The following EPHA1 variants were observed in gnomAD, a reference collection of about 807,000 sequenced individuals.
EPHA1 encodes EPH receptor A1.
In EPHA1, 92 loss-of-function variants were observed where a neutral mutation model predicts 110.1. The ratio of observed to expected loss-of-function variants is 0.84; its 90% confidence interval spans 0.71 to 0.99. The LOEUF (loss-of-function observed/expected upper bound fraction) is 0.99. Among genes scored for constraint, EPHA1 ranks in the 50% least tolerant of loss-of-function variants. The pLI is 0.00. For synonymous variants in EPHA1, 500 were observed against 516.1 expected (o/e 0.97, Z 0.42); for missense variants, 1,204 against 1,285.4 (o/e 0.94, Z 0.97).
In EPHA1 at chr7:143,399,264, A is replaced by G; in HGVS notation, c.985T>C (p.Cys329Arg). 3 of 1,611,560 alleles carry G rather than the reference A, an allele frequency of 1.9e-6. No homozygotes were observed. The highest frequency in any genetic ancestry group is 2.5e-6 in the Non-Finnish European group (3 of 1,179,732). The stretch of plus-strand genomic sequence containing the variant: ...CCCCACCCCCTGGACTCACCTGTGC[A>G]TGCCACCTGGGGGCCCTCCCCGGGA... Reference protein sequence around the residue: ...RAPGEGPQVACTGPPSAPRNL... With the variant: ...RAPGEGPQVARTGPPSAPRNL... The change falls in exon 5 of 18, where the codon TGC (cysteine) becomes CGC (arginine). Residue 329 changes from cysteine to arginine, a missense_variant. Physicochemically the swap from Cys to Arg is radical, Grantham distance 180. Coordinates refer to ENST00000275815, the MANE Select transcript of EPHA1 (RefSeq NM_005232.5).
rs751843044 is a variant in EPHA1 at position 143,399,730 on chromosome 7, A to C, written c.756T>G (p.Asp252Glu). 33 of 1,613,964 alleles carry C rather than the reference A, an allele frequency of 2.0e-5. No homozygotes were observed. Among genetic ancestry groups the C allele is most frequent in the Middle Eastern group, 1.7e-4 (1 of 5,988 alleles). ...GTCCTACAGGCACCAGCCACTCGCC[A>C]TCAGGGCTGCAGTGCATGCGGGGTG... Reference protein sequence around the residue: ...SGAPRMHCSPDGEWLVPVGRC... With the variant: ...SGAPRMHCSPEGEWLVPVGRC... The change falls in exon 4 of 18, where the codon GAT (aspartate) becomes GAG (glutamate). Residue 252 changes from aspartate (D) to glutamate (E), a missense_variant. Transcript: ENST00000275815.
chr7:143,393,666 G>A lies in EPHA1; in HGVS notation c.2696+5C>T. 1 of 1,613,008 alleles carries A rather than the reference G, an allele frequency of 6.2e-7. No homozygotes were observed. The highest frequency in any genetic ancestry group is 8.5e-7 in the Non-Finnish European group (1 of 1,179,654). On this transcript the variant is annotated splice_donor_5th_base_variant and intron_variant, in intron 16 of 17. Coordinates refer to ENST00000275815, the MANE Select transcript of EPHA1 (RefSeq NM_005232.5). The surrounding 1 kb of genome is among the most constrained non-coding windows in gnomAD (Gnocchi z 5.6). ...GGTTCCCTAGTCCTTCCCCTGCATG[G>A]TTACCTGGGGTCAAAGTTGGCAATG...
rs137978627 is a variant in EPHA1 at position 143,398,116 on chromosome 7, G to T, written c.1465-46C>A. 1,516 of 1,606,658 alleles carry T rather than the reference G, an allele frequency of 9.4e-4. 11 individuals carry two copies. In the African/African-American group the frequency reaches 0.018, roughly 19 times the overall value. On this transcript the variant is annotated intron_variant, in intron 7 of 17. Coordinates refer to ENST00000275815, the MANE Select transcript of EPHA1 (RefSeq NM_005232.5). ...AAGTGGGCAGTGCTGAGCCAGACCC[G>T]GGTGGATGTGATGGACAGCATCAGA...
intron 3 of EPHA1, among the ~76,000 whole-genome samples, chr7:143,400,531 C>A (rs756154691): frequency 2.6e-5 from 4 of 152,196 alleles, no homozygotes; most frequent in Non-Finnish European, 5.9e-5. Context: ...GCTCCTTACT[C>A]TTCTGCATCC....
chr7:143,396,564 G>A, intron 10 of EPHA1, 54 bp from the exon 11 acceptor site: 3 of 1,594,958 alleles, frequency 1.9e-6, no homozygotes, highest in Non-Finnish European at 2.6e-6. Context: ...CAGGAGTATG[G>A]GGGTCAGGAG....
In EPHA1 at chr7:143,401,012, G is replaced by A. The variant is rs1805399246; in HGVS notation, c.432+312C>T. ...GGGCTCAAGTGATCCTCCTGCCTCA[G>A]CCTCCTGAGTCGCTGGGACTACAGG... On this transcript the variant is annotated intron_variant, in intron 3 of 17. Coordinates refer to ENST00000275815, the MANE Select transcript of EPHA1 (RefSeq NM_005232.5). This position sits in a 1 kb window ranked among gnomAD's most constrained non-coding sequence, Gnocchi z 4.1. 1 of 361,620 alleles carries A rather than the reference G, an allele frequency of 2.8e-6. No homozygotes were observed. Among genetic ancestry groups the A allele is most frequent in the African/African-American group, 2.1e-5 (1 of 48,018 alleles). 22.4% of individuals were successfully genotyped at this position (361,620 alleles called of 1,614,324 possible).
At position 143,401,178 on chromosome 7, in the gene EPHA1, C is replaced by T; in HGVS notation, c.432+146G>A. The T allele has an allele frequency of 3.8e-6, 4 of 1,043,266 alleles. No homozygotes were observed. Among genetic ancestry groups the T allele is most frequent in the Non-Finnish European group, 5.5e-6 (4 of 728,088 alleles). 64.6% of individuals were successfully genotyped at this position (1,043,266 alleles called of 1,614,324 possible). A position where few individuals can be genotyped will look rare whatever the true frequency, so the allele number is the denominator to read the frequency against. On this transcript the variant is annotated intron_variant, in intron 3 of 17. Transcript: ENST00000275815. This position sits in a 1 kb window ranked among gnomAD's most constrained non-coding sequence, Gnocchi z 4.1. ...AAAGCACTGGAATTACAGGCACAAG[C>T]CACCATGCCCAGCCTTCAAGCGCCA...
chr7:143,396,643 G>A, intron 10 of EPHA1, 133 bp from the exon 11 acceptor site: 1 of 1,117,002 alleles, frequency 9.0e-7, no homozygotes, highest in Non-Finnish European at 1.3e-6. Flanking sequence ...TGTTTGGGCT[G>A]AGGTGGGAGA....
chr7:143,396,075 A>G (rs530363612), intron 11 of EPHA1, among the ~76,000 whole-genome samples: 25 of 152,320 alleles, frequency 1.6e-4, no homozygotes, highest in Middle Eastern at 3.4e-3. Flanking sequence ...GAACATCTGG[A>G]CCCTCAGCAC....
At chr7:143,402,076 C>G (rs1415960101) in intron 2 of EPHA1, among the ~76,000 whole-genome samples, 1 of 149,604 alleles carries the variant, frequency 6.7e-6, no homozygotes, top group Non-Finnish European at 1.5e-5. Flanking sequence ...TGCCAACACA[C>G]TGGGCTATTT....
chr7:143,398,805 G>T lies in EPHA1; in HGVS notation c.1132C>A (p.Gln378Lys). The change falls in exon 6 of 18, where the codon CAG (glutamine) becomes AAG (lysine). Residue 378 changes from glutamine to lysine, a missense_variant. Transcript: ENST00000275815. ...CAGGGCTGGCAGGGCCCCCCGTCCTGTGCTGTGCCCTGACACTGGGAACAC... is the reference window on the plus strand; with the variant it reads ...CAGGGCTGGCAGGGCCCCCCGTCCTTTGCTGTGCCCTGACACTGGGAACAC... ...VRCSQCQGTA[Q>K]DGGPCQPCGV... The T allele has an allele frequency of 1.2e-6, 2 of 1,613,552 alleles. No individual in the cohort carries two copies. Among genetic ancestry groups the T allele is most frequent in the Non-Finnish European group, 1.7e-6 (2 of 1,179,972 alleles).
At chr7:143,404,037 TACATAATA>T (rs1017734077) in intron 2 of EPHA1, among the ~76,000 whole-genome samples, 1 of 152,236 alleles carries the variant, frequency 6.6e-6, no homozygotes, top group Non-Finnish European at 1.5e-5. Flanking sequence ...GTAAATTTCT[TACATAATA>T]ACATCTACAG....
Position 143,397,376 on chromosome 7 carries a change from G to T in EPHA1, c.1713-14C>A. 1 of 1,549,450 alleles carries T rather than the reference G, an allele frequency of 6.5e-7. No homozygotes were observed. The highest frequency in any genetic ancestry group is 2.0e-4 in the Middle Eastern group (1 of 5,052). The stretch of plus-strand genomic sequence containing the variant: ...CGCTGGGCTCTCCTGTGGGGGTTGG[G>T]GACCAGCTCCTTCAGGGCCCCAGGA... On this transcript the variant is annotated splice_polypyrimidine_tract_variant and intron_variant, in intron 9 of 17. Coordinates refer to ENST00000275815, the MANE Select transcript of EPHA1 (RefSeq NM_005232.5).
At chr7:143,403,420 CTT>C (rs57457497) in intron 2 of EPHA1, among the ~76,000 whole-genome samples, 5 of 150,168 alleles carry the variant, frequency 3.3e-5, no homozygotes, top group East Asian at 2.0e-4. Flanking sequence ...AGCTTTCTTA[CTT>C]TTTTTTTTTA....
rs773136368 is a variant in EPHA1, at chr7:143,401,517, C to T, written c.239G>A (p.Trp80Ter). 8 of 1,614,124 alleles carry T rather than the reference C, an allele frequency of 5.0e-6. No homozygotes were observed. Among genetic ancestry groups the T allele is most frequent in the Non-Finnish European group, 2.5e-6 (3 of 1,180,038 alleles). The change falls in exon 3 of 18, where the codon TGG becomes TAG. Residue 80 changes from tryptophan to a stop codon, truncating the protein, a stop_gained. Coordinates refer to ENST00000275815, the MANE Select transcript of EPHA1 (RefSeq NM_005232.5). LOFTEE classifies it high-confidence loss of function. This position sits in a 1 kb window ranked among gnomAD's most constrained non-coding sequence, Gnocchi z 4.1. Reference sequence around the variant, plus strand: ...GCGGTAGATCCAATTGGAGCGAAGCCAGTGGTCAGTGTCTCTGCGTCCTTG... The same window carrying T: ...GCGGTAGATCCAATTGGAGCGAAGCTAGTGGTCAGTGTCTCTGCGTCCTTG... The part of the protein sequence containing the change: ...PMQGRRDTDH[W>*]LRSNWIYRGE...
At position 143,393,913 on chromosome 7, in the gene EPHA1, G is replaced by A; in HGVS notation, c.2503-49C>T. On this transcript the variant is annotated intron_variant, in intron 15 of 17. Coordinates refer to ENST00000275815, the MANE Select transcript of EPHA1 (RefSeq NM_005232.5). The surrounding 1 kb of genome is among the most constrained non-coding windows in gnomAD (Gnocchi z 5.6). ...CTCTAGAGTAGCAAGCTAACCTGGAGGCCCATGAGAAACCGACGGTCACAC... is the reference window on the plus strand; with the variant it reads ...CTCTAGAGTAGCAAGCTAACCTGGAAGCCCATGAGAAACCGACGGTCACAC... 1 of 1,505,664 alleles carries A rather than the reference G, an allele frequency of 6.6e-7. No homozygotes were observed. Among genetic ancestry groups the A allele is most frequent in the Non-Finnish European group, 8.9e-7 (1 of 1,125,632 alleles). 93.3% of individuals were successfully genotyped at this position (1,505,664 alleles called of 1,614,324 possible).
Position 143,398,407 on chromosome 7 carries a change from G to A in EPHA1, c.1378C>T (p.Pro460Ser), listed in dbSNP as rs1805319219. ...GCCCAGGTCAGCTCTAGTTGCCTCG[G>A]TTCTTTCTTCACCAGTCTCAGAGAC... is the stretch of plus-strand genomic sequence containing the variant. ...GLSLRLVKKE[P>S]RQLELTWAGS... The change falls in exon 7 of 18, where the codon CCG becomes TCG. Residue 460 changes from proline to serine, a missense_variant. Transcript: ENST00000275815. 6.2e-7 allele frequency: 1 copy of A among 1,614,062 alleles called. No homozygotes were observed. The highest frequency in any genetic ancestry group is 1.3e-5 in the African/African-American group (1 of 74,934).
In EPHA1 at chr7:143,391,634, C is replaced by T; in HGVS notation, c.2838G>A (p.Leu946=). Residue 946 remains leucine, a synonymous_variant, in exon 17 of 18, where the codon CTG becomes CTA. Coordinates refer to ENST00000275815, the MANE Select transcript of EPHA1 (RefSeq NM_005232.5). Reference sequence around the variant, plus strand: ...CAGCTCCTTACTCAGCGGTCAGCTCCAGCACACACTCCATGGTGTCCAGCC... The same window carrying T: ...CAGCTCCTTACTCAGCGGTCAGCTCTAGCACACACTCCATGGTGTCCAGCC... ...SAGLDTMECV[L]ELTAEDLTQM... 6.2e-7 allele frequency: 1 copy of T among 1,614,164 alleles called. No homozygotes were observed. The highest frequency in any genetic ancestry group is 8.5e-7 in the Non-Finnish European group (1 of 1,180,018).
Position 143,391,353 on chromosome 7 carries a change from C to T in EPHA1, c.*104G>A, listed in dbSNP as rs1203341279. On this transcript the variant is annotated 3_prime_UTR_variant, in exon 18 of 18. Coordinates refer to ENST00000275815, the MANE Select transcript of EPHA1 (RefSeq NM_005232.5). ...AGTGGGCAGAAGCAGCACCGATAGC[C>T]TAGTCTGGCAGGTTGTGGGAAGGGG... 7.3e-6 allele frequency: 10 copies of T among 1,375,416 alleles called. No individual in the cohort carries two copies. Among genetic ancestry groups the T allele is most frequent in the Non-Finnish European group, 1.0e-5 (10 of 993,130 alleles). The allele number at this position is 1,375,416 out of a possible 1,614,324, so 85.2% of individuals were successfully genotyped here.
Sources: allele counts gnomAD v4.1 joint callset (sites outside exome capture counted in the v4.1 genomes callset), GRCh38; gene constraint gnomAD v4.1.1; non-coding constraint Gnocchi (gnomAD v3.1); transcripts MANE v1.5; gene names NCBI Gene and HGNC (gene_info 2026-07-23, HGNC 2026-07-21).